The following MINPP1 variants were observed in gnomAD, a reference collection of about 807,000 sequenced individuals.
MINPP1 encodes the protein multiple inositol-polyphosphate phosphatase 1.
A neutral mutation model predicts 46.1 loss-of-function variants in MINPP1; 28 were observed. The observed-to-expected ratio is 0.61, with a 90% CI of 0.45 to 0.83. The LOEUF is 0.83. Ranked by LOEUF, MINPP1 falls within the 40% of genes least tolerant of loss-of-function variation. The pLI, the probability that MINPP1 is intolerant of heterozygous loss-of-function variation, is 0.00. For missense variants in MINPP1, 603 were observed against 610.0 expected, an observed-to-expected ratio of 0.99 and a Z score of 0.12; for synonymous variants, 268 against 249.1, an observed-to-expected ratio of 1.08 and a Z score of -0.72.
chr10:87,537,305 A>T (rs1026356667), intron 4 of MINPP1, among the ~76,000 whole-genome samples: 2 of 152,184 alleles, frequency 1.3e-5, no homozygotes, highest in Non-Finnish European at 2.9e-5. Context: ...GTTGTTCCAC[A>T]TCCTGCCAAC....
chr10:87,525,277 G>A (rs894640869), intron 4 of MINPP1, among the ~76,000 whole-genome samples: 24 of 152,168 alleles, frequency 1.6e-4, no homozygotes, highest in African/African-American at 5.6e-4. Context: ...TGCCTTAGCA[G>A]TCACTCTCCA....
chr10:87,531,936 A>G (rs753575806), intron 4 of MINPP1, among the ~76,000 whole-genome samples: 9 of 152,198 alleles, frequency 5.9e-5, no homozygotes, highest in Non-Finnish European at 1.2e-4. Flanking sequence ...TACTCAACCT[A>G]TACCTCACCT....
At chr10:87,535,338 C>T (rs1851718536) in intron 4 of MINPP1, among the ~76,000 whole-genome samples, 1 of 152,180 alleles carries the variant, frequency 6.6e-6, no homozygotes, top group Non-Finnish European at 1.5e-5. Flanking sequence ...GTGTACCACA[C>T]AAATACATGT....
At chr10:87,531,132 C>T (rs947288991) in intron 4 of MINPP1, among the ~76,000 whole-genome samples, 1 of 152,180 alleles carries the variant, frequency 6.6e-6, no homozygotes, top group African/African-American at 2.4e-5. Context: ...AAGGGAATTC[C>T]CTGACCCCGT....
At chr10:87,511,389 T>C (rs1851332619) in intron 2 of MINPP1, among the ~76,000 whole-genome samples, 1 of 152,218 alleles carries the variant, frequency 6.6e-6, no homozygotes, top group African/African-American at 2.4e-5. Context: ...GATTATTATG[T>C]TTTCCTATTG....
chr10:87,513,736 A>G (rs576103329), intron 3 of MINPP1, among the ~76,000 whole-genome samples: 13 of 152,248 alleles, frequency 8.5e-5, no homozygotes, highest in African/African-American at 2.6e-4. Flanking sequence ...TCTCTCTACT[A>G]TATTAGTTTC....
At chr10:87,543,349 C>A (rs931868747) in intron 4 of MINPP1, among the ~76,000 whole-genome samples, 1 of 152,096 alleles carries the variant, frequency 6.6e-6, no homozygotes, top group Non-Finnish European at 1.5e-5. Flanking sequence ...GTGGAGCAAC[C>A]ACCTGAAAAA....
chr10:87,520,367 T>C (rs1851482764), intron 3 of MINPP1, among the ~76,000 whole-genome samples: 1 of 152,142 alleles, frequency 6.6e-6, no homozygotes, highest in South Asian at 2.1e-4. Context: ...TTATAAGAAA[T>C]GGAATTAAAT....
At chr10:87,507,826 C>G in intron 1 of MINPP1, 1 of 1,028,898 alleles carries the variant, frequency 9.7e-7, no homozygotes, top group Non-Finnish European at 1.2e-6. Flanking sequence ...AGACCCAAAA[C>G]ATCAGTGCGT....
At chr10:87,532,605 A>G (rs998326445) in intron 4 of MINPP1, among the ~76,000 whole-genome samples, 2 of 152,228 alleles carry the variant, frequency 1.3e-5, no homozygotes, top group African/African-American at 4.8e-5. Context: ...ACTGATGAGG[A>G]TTTTAAAAGA....
At chr10:87,550,550 G>T (rs1851947765) in intron 4 of MINPP1, among the ~76,000 whole-genome samples, 1 of 151,996 alleles carries the variant, frequency 6.6e-6, no homozygotes, top group African/African-American at 2.4e-5. Flanking sequence ...AAGTTATTCT[G>T]CTCCTTATTT....
In MINPP1 at chr10:87,508,470, A is replaced by C. The variant is rs774041685; in HGVS notation, c.772A>C (p.Met258Leu). 1 of 1,613,928 alleles carries C rather than the reference A, an allele frequency of 6.2e-7. No homozygotes were observed. Among genetic ancestry groups the C allele is most frequent in the Non-Finnish European group, 8.5e-7 (1 of 1,179,880 alleles). Reference protein sequence around the residue: ...HVEAFKTGPEMQNILKKVAAT... With the variant: ...HVEAFKTGPELQNILKKVAAT... ...GGAAGCCTTCAAAACTGGACCAGAA[A>C]TGCAGAACATTTTAAAAAAAGTTGC... is the stretch of plus-strand genomic sequence containing the variant. The change falls in exon 2 of 5, where the codon ATG becomes CTG. Residue 258 changes from methionine (M) to leucine (L), a missense_variant. Physicochemically the swap from Met to Leu is conservative, Grantham distance 15. Around this residue, in one of 3 missense-constraint regions of MINPP1, gnomAD observed 344 missense variants for 381.1 expected, o/e 0.90. Coordinates refer to ENST00000371996, the MANE Select transcript of MINPP1 (RefSeq NM_004897.5).
At chr10:87,528,950 C>T (rs913908546) in intron 4 of MINPP1, among the ~76,000 whole-genome samples, 4 of 152,120 alleles carry the variant, frequency 2.6e-5, no homozygotes, top group African/African-American at 9.7e-5. Context: ...ATTGATCCCT[C>T]TACCGTTATG....
intron 4 of MINPP1, among the ~76,000 whole-genome samples, chr10:87,526,724 A>G (rs1043421726): frequency 1.3e-5 from 2 of 152,210 alleles, no homozygotes; most frequent in Middle Eastern, 3.2e-3. Flanking sequence ...ATTTTTGTAT[A>G]AGGTGTGAGG....
intron 4 of MINPP1, among the ~76,000 whole-genome samples, chr10:87,540,548 C>A (rs1469753387): frequency 2.6e-5 from 4 of 151,694 alleles, no homozygotes; most frequent in African/African-American, 9.7e-5. Context: ...CTCATTCAGA[C>A]ATATACACAT....
chr10:87,530,852 C>T (rs1368804398), intron 4 of MINPP1, among the ~76,000 whole-genome samples: 2 of 152,204 alleles, frequency 1.3e-5, no homozygotes, highest in African/African-American at 4.8e-5. Flanking sequence ...GGGCTCCACA[C>T]AGTTCAAGCT....
chr10:87,551,061 C>T (rs1851955662), intron 4 of MINPP1, among the ~76,000 whole-genome samples: 2 of 152,094 alleles, frequency 1.3e-5, no homozygotes, highest in Admixed American at 6.6e-5. Flanking sequence ...TCAACAGATA[C>T]TGATAATATC....
In MINPP1 at chr10:87,505,562, C is replaced by G. The variant is rs753447221; in HGVS notation, c.637+10C>G. On this transcript the variant is annotated intron_variant, in intron 1 of 4. Coordinates refer to ENST00000371996, the MANE Select transcript of MINPP1 (RefSeq NM_004897.5). The surrounding 1 kb of genome is among the most constrained non-coding windows in gnomAD (Gnocchi z 4.4). The stretch of plus-strand genomic sequence containing the variant: ...CCGCCGGACGTCGCAGGTGACCCCC[C>G]GGGCGGCCCGTGTGCTGTCCCGGTC... The G allele has an allele frequency of 3.8e-6, 6 of 1,595,864 alleles. No individual in the cohort carries two copies. Among genetic ancestry groups the G allele is most frequent in the Non-Finnish European group, 5.1e-6 (6 of 1,176,558 alleles).
rs959358123 is a variant in MINPP1 at position 87,504,950 on chromosome 10, C to A, written c.35C>A (p.Ser12Tyr). The stretch of plus-strand genomic sequence containing the variant: ...GCGCCCGGCTGCCTCCTCCGGACCT[C>A]CGTAGCGCCTGCCGCGGCCCTGGCT... ...LRAPGCLLRT[S>Y]VAPAAALAAA... Residue 12 changes from serine (S) to tyrosine (Y), a missense_variant, in exon 1 of 5, where the codon TCC (serine) becomes TAC (tyrosine). Physicochemically the swap from Ser to Tyr is moderately radical, Grantham distance 144 (BLOSUM62 -2). Transcript: ENST00000371996. The A allele has an allele frequency of 6.2e-7, 1 of 1,611,760 alleles. No homozygotes were observed.
Sources: allele counts gnomAD v4.1 joint callset (sites outside exome capture counted in the v4.1 genomes callset), GRCh38; gene constraint gnomAD v4.1.1; regional missense constraint gnomAD v4.1.1; non-coding constraint Gnocchi (gnomAD v3.1); transcripts MANE v1.5; gene names NCBI Gene and HGNC (gene_info 2026-07-23, HGNC 2026-07-21).